CLSTN2: variants seen among roughly 807,000 people sequenced by gnomAD.
CLSTN2 encodes calsyntenin-2.
Under a neutral mutation model 101.2 loss-of-function variants are expected in CLSTN2, and 48 were observed. The observed-to-expected ratio is 0.47, with a 90% confidence interval of 0.38 to 0.60. The LOEUF (loss-of-function observed/expected upper bound fraction) is 0.60, where lower values mean the gene tolerates loss of function less well. Ranked by LOEUF, CLSTN2 falls within the 20% of genes least tolerant of loss-of-function variation. CLSTN2 has a pLI of 0.00. For missense variants in CLSTN2, 1,160 were observed against 1,238.2 expected (o/e 0.94, Z 0.95); for synonymous variants, 481 against 463.6 (o/e 1.04, Z -0.48).
At chr3:140,548,789 C>T (rs1449617961) in intron 10 of CLSTN2, among the ~76,000 whole-genome samples, 3 of 152,110 alleles carry the variant, frequency 2.0e-5, no homozygotes, top group Non-Finnish European at 2.9e-5. Flanking sequence ...TAGGTGTTTA[C>T]GTTTTTTTCT....
intron 1 of CLSTN2, among the ~76,000 whole-genome samples, chr3:139,993,591 C>A (rs1490486731): frequency 6.6e-6 from 1 of 152,144 alleles, no homozygotes; most frequent in Non-Finnish European, 1.5e-5. Flanking sequence ...GTATATCTCA[C>A]CCCCTGCACT....
At chr3:140,071,699 C>T (rs191174404) in intron 1 of CLSTN2, among the ~76,000 whole-genome samples, 18 of 152,056 alleles carry the variant, frequency 1.2e-4, no homozygotes, top group Admixed American at 2.0e-4. Context: ...GGCGTGGTGG[C>T]GGGCGCCTGT....
chr3:140,520,543 A>G (rs1587057), intron 8 of CLSTN2, among the ~76,000 whole-genome samples: 6,149 of 152,228 alleles, frequency 0.04, 419 homozygotes, highest in African/African-American at 0.14. Flanking sequence ...CCCTGATCCA[A>G]TTACCTCCAC....
chr3:140,252,604 G>T (rs922244718), intron 2 of CLSTN2, among the ~76,000 whole-genome samples: 1 of 152,134 alleles, frequency 6.6e-6, no homozygotes, highest in Admixed American at 6.5e-5. Flanking sequence ...ACATATATGG[G>T]CTTAATTCTC....
At chr3:140,045,753 T>A (rs940847834) in intron 1 of CLSTN2, among the ~76,000 whole-genome samples, 13 of 152,226 alleles carry the variant, frequency 8.5e-5, no homozygotes, top group African/African-American at 3.1e-4. Flanking sequence ...ACATCTTTAT[T>A]TCTGCCTTCA....
intron 1 of CLSTN2, among the ~76,000 whole-genome samples, chr3:140,042,804 G>A (rs530950805): frequency 2.0e-5 from 3 of 152,284 alleles, no homozygotes; most frequent in East Asian, 1.9e-4. Flanking sequence ...ATAGTTTGCT[G>A]AGAATGATGG....
intron 1 of CLSTN2, among the ~76,000 whole-genome samples, chr3:140,069,997 T>C (rs2008363999): frequency 6.6e-6 from 1 of 152,206 alleles, no homozygotes; most frequent in Non-Finnish European, 1.5e-5. Context: ...AGCCTTCAGG[T>C]AGCACTGCCT....
intron 2 of CLSTN2, among the ~76,000 whole-genome samples, chr3:140,200,151 C>G (rs1383796677): frequency 1.3e-5 from 2 of 152,130 alleles, no homozygotes; most frequent in Admixed American, 1.3e-4. Context: ...GCTGTATGAA[C>G]CAGTCCCAAG....
intron 2 of CLSTN2, among the ~76,000 whole-genome samples, chr3:140,379,106 G>T (rs1263766589): frequency 6.6e-6 from 1 of 152,198 alleles, no homozygotes; most frequent in African/African-American, 2.4e-5. Flanking sequence ...TGGCAAGAAA[G>T]GTGCTAATTC....
intron 2 of CLSTN2, among the ~76,000 whole-genome samples, chr3:140,300,686 C>T (rs969098641): frequency 1.3e-5 from 2 of 152,084 alleles, no homozygotes; most frequent in African/African-American, 2.4e-5. Flanking sequence ...GGCTTTCATA[C>T]TCTTTCAACT....
intron 1 of CLSTN2, among the ~76,000 whole-genome samples, chr3:140,070,817 C>A (rs986358361): frequency 1.3e-5 from 2 of 152,042 alleles, no homozygotes; most frequent in Non-Finnish European, 2.9e-5. Flanking sequence ...TAGAACACAG[C>A]CACTATCATT....
At chr3:139,951,346 C>T (rs1935290111) in intron 1 of CLSTN2, among the ~76,000 whole-genome samples, 1 of 152,134 alleles carries the variant, frequency 6.6e-6, no homozygotes, top group African/African-American at 2.4e-5. Context: ...GAAAATGTCA[C>T]CAGCTGGTGG....
intron 2 of CLSTN2, among the ~76,000 whole-genome samples, chr3:140,315,865 A>C (rs2087224909): frequency 2.0e-5 from 3 of 152,162 alleles, no homozygotes; most frequent in Non-Finnish European, 4.4e-5. Context: ...GTCAGGGTAG[A>C]GGGTAGGTAG....
chr3:140,142,774 G>A (rs2009720630), intron 1 of CLSTN2, among the ~76,000 whole-genome samples: 1 of 152,218 alleles, frequency 6.6e-6, no homozygotes, highest in Non-Finnish European at 1.5e-5. Flanking sequence ...TTAGCCCATT[G>A]TGATCTAAAG....
intron 1 of CLSTN2, among the ~76,000 whole-genome samples, chr3:140,020,667 T>C (rs2107755462): frequency 6.6e-6 from 1 of 152,282 alleles, no homozygotes; most frequent in Non-Finnish European, 1.5e-5. Flanking sequence ...GTCTGACCAC[T>C]AATAGCATCT....
At chr3:139,963,259 C>T (rs1016397428) in intron 1 of CLSTN2, among the ~76,000 whole-genome samples, 5 of 152,122 alleles carry the variant, frequency 3.3e-5, no homozygotes, top group Admixed American at 2.0e-4. Context: ...CAGACCCCTC[C>T]CTGTTTTTCT....
intron 1 of CLSTN2, among the ~76,000 whole-genome samples, chr3:140,065,904 A>G (rs2008291267): frequency 6.6e-6 from 1 of 152,194 alleles, no homozygotes; most frequent in South Asian, 2.1e-4. Context: ...TGATCTGCCC[A>G]ACCATGGTGG....
At chr3:140,318,140 A>G (rs2087246252) in intron 2 of CLSTN2, among the ~76,000 whole-genome samples, 1 of 152,210 alleles carries the variant, frequency 6.6e-6, no homozygotes, top group African/African-American at 2.4e-5. Context: ...TCCAGAGGTA[A>G]TAGTCTTAAC....
At chr3:140,164,550 G>C (rs923770547) in intron 1 of CLSTN2, among the ~76,000 whole-genome samples, 1 of 152,156 alleles carries the variant, frequency 6.6e-6, no homozygotes, top group South Asian at 2.1e-4. Flanking sequence ...AAAATATCCT[G>C]TTGGTATGTA....
Sources: allele counts gnomAD v4.1 joint callset (sites outside exome capture counted in the v4.1 genomes callset), GRCh38; gene constraint gnomAD v4.1.1; transcripts MANE v1.5; gene names NCBI Gene and HGNC (gene_info 2026-07-23, HGNC 2026-07-21).